The following TBC1D5 variants were observed in gnomAD, a reference collection of about 807,000 sequenced individuals.
The protein encoded by TBC1D5 is TBC1 domain family, member 5.
In TBC1D5, 75 loss-of-function variants were observed where a neutral mutation model predicts 100.3. The observed-to-expected ratio is 0.75, with a 90% confidence interval of 0.62 to 0.91. The LOEUF is 0.91. TBC1D5 is among the 40% of genes least tolerant of loss of function. The pLI is 0.00. For missense variants in TBC1D5, 910 were observed against 942.4 expected (o/e 0.97, Z 0.45); for synonymous variants, 323 against 325.6 (o/e 0.99, Z 0.09).
At chr3:17,267,635 A>T (rs2078984418) in intron 15 of TBC1D5, among the ~76,000 whole-genome samples, 1 of 152,202 alleles carries the variant, frequency 6.6e-6, no homozygotes, top group South Asian at 2.1e-4. Context: ...GAGGCAATTT[A>T]AAAATACTGT....
chr3:17,706,339 G>C (rs1224822735), intron 1 of TBC1D5: 1 of 1,318,720 alleles, frequency 7.6e-7, no homozygotes, highest in Non-Finnish European at 1.0e-6. Flanking sequence ...TTGTGAAAGA[G>C]CACATATTTT....
chr3:17,372,307 G>A, intron 12 of TBC1D5, 60 bp from the exon 13 acceptor site: 1 of 1,412,770 alleles, frequency 7.1e-7, no homozygotes, highest in Non-Finnish European at 9.5e-7. Flanking sequence ...ATATATGGAT[G>A]TCATTCTTTA....
chr3:17,704,317 A>C (rs886434031), intron 1 of TBC1D5, among the ~76,000 whole-genome samples: 1 of 151,054 alleles, frequency 6.6e-6, no homozygotes, highest in African/African-American at 2.4e-5. Context: ...TCCCATGTCT[A>C]CTTCTTTCTA....
chr3:17,731,161 G>A (rs1392287153), intron 1 of TBC1D5, among the ~76,000 whole-genome samples: 2 of 152,218 alleles, frequency 1.3e-5, no homozygotes, highest in African/African-American at 2.4e-5. Flanking sequence ...AAGAATTTCA[G>A]TATTTTTTAC....
chr3:17,739,675 G>A (rs144505062), exon 1 of TBC1D5: 6 of 152,304 alleles, frequency 3.9e-5, no homozygotes, highest in East Asian at 1.9e-4. Context: ...GCACTGAGGC[G>A]GATGACAAAT....
At chr3:17,560,460 A>T (rs2096551282) in intron 2 of TBC1D5, among the ~76,000 whole-genome samples, 2 of 152,186 alleles carry the variant, frequency 1.3e-5, no homozygotes, top group Admixed American at 6.5e-5. Flanking sequence ...TCTCTAAAAA[A>T]ATTGAAAAAT....
At chr3:17,283,273 T>C (rs1252496631) in intron 15 of TBC1D5, among the ~76,000 whole-genome samples, 1 of 152,184 alleles carries the variant, frequency 6.6e-6, no homozygotes, top group Non-Finnish European at 1.5e-5. Context: ...AGAAATGAAG[T>C]GACTTGTCCA....
At chr3:17,436,249 G>A (rs1176122757) in intron 3 of TBC1D5, among the ~76,000 whole-genome samples, 2 of 152,076 alleles carry the variant, frequency 1.3e-5, no homozygotes, top group African/African-American at 4.8e-5. Context: ...CTGTAAAATG[G>A]AGAAAACAAT....
chr3:17,538,536 C>T (rs2096310075), intron 2 of TBC1D5, among the ~76,000 whole-genome samples: 1 of 152,156 alleles, frequency 6.6e-6, no homozygotes, highest in Admixed American at 6.5e-5. Flanking sequence ...TTCACTCCTG[C>T]TTTAAAACTT....
At chr3:17,399,428 C>A (rs1282576822) in intron 8 of TBC1D5, among the ~76,000 whole-genome samples, 1 of 152,118 alleles carries the variant, frequency 6.6e-6, no homozygotes, top group Non-Finnish European at 1.5e-5. Flanking sequence ...GAAAACTACA[C>A]ATAATGATCC....
chr3:17,697,933 G>C (rs1168497974), intron 1 of TBC1D5, among the ~76,000 whole-genome samples: 1 of 149,936 alleles, frequency 6.7e-6, no homozygotes, highest in African/African-American at 2.5e-5. Flanking sequence ...AAAGAACAGA[G>C]GCCTCAGAAA....
At chr3:17,704,066 C>CG in intron 1 of TBC1D5, among the ~76,000 whole-genome samples, 1 of 142,960 alleles carries the variant, frequency 7.0e-6, no homozygotes, top group Non-Finnish European at 1.5e-5. Flanking sequence ...GAGGACCCTG[C>CG]GGCCTTCCGC....
intron 2 of TBC1D5, among the ~76,000 whole-genome samples, chr3:17,528,628 C>G (rs956413208): frequency 1.3e-4 from 20 of 152,136 alleles, no homozygotes; most frequent in Admixed American, 1.3e-3. Context: ...CTTTCACCCC[C>G]CCATTCTCTA....
chr3:17,655,495 C>T (rs1425806905), intron 1 of TBC1D5, among the ~76,000 whole-genome samples: 3 of 144,664 alleles, frequency 2.1e-5, no homozygotes, highest in Non-Finnish European at 3.0e-5. Flanking sequence ...AAAAATGAAA[C>T]CCACCAATAT....
At chr3:17,228,456 A>G (rs1267006865) in intron 17 of TBC1D5, among the ~76,000 whole-genome samples, 1 of 152,106 alleles carries the variant, frequency 6.6e-6, no homozygotes, top group Non-Finnish European at 1.5e-5. Context: ...AAAATGCAGT[A>G]CTCTGGATTG....
intron 1 of TBC1D5, among the ~76,000 whole-genome samples, chr3:17,736,619 C>T (rs1409504528): frequency 6.6e-6 from 1 of 152,212 alleles, no homozygotes; most frequent in Non-Finnish European, 1.5e-5. Context: ...AATCCACTAT[C>T]CCATCCCAGG....
At chr3:17,741,008 C>G (rs1248756894), upstream of TBC1D5, 1 of 152,112 alleles carries the variant, frequency 6.6e-6, no homozygotes, top group Non-Finnish European at 1.5e-5. Context: ...TTCATCCTGC[C>G]ATTTGCCCCT....
chr3:17,586,307 G>C (rs1340358256), intron 2 of TBC1D5: 2 of 152,106 alleles, frequency 1.3e-5, no homozygotes, highest in Non-Finnish European at 2.9e-5. Flanking sequence ...AGGGTATTGA[G>C]AGTATTCTAT....
At chr3:17,346,682 T>G (rs1402653443) in intron 13 of TBC1D5, among the ~76,000 whole-genome samples, 1 of 152,138 alleles carries the variant, frequency 6.6e-6, no homozygotes, top group East Asian at 1.9e-4. Context: ...TATAGCTACA[T>G]TTTTCCTAGC....
Sources: gnomAD v4.1 joint callset for allele counts (sites outside exome capture counted in the v4.1 genomes callset) on GRCh38, gnomAD v4.1.1 for gene constraint, MANE v1.5 for transcripts, NCBI Gene and HGNC (gene_info 2026-07-23, HGNC 2026-07-21) for gene names.